VRK2: variants seen among roughly 807,000 people sequenced by gnomAD.
The protein encoded by VRK2 is VRK serine/threonine kinase 2, also known as serine/threonine-protein kinase VRK2.
A neutral mutation model predicts 57.6 loss-of-function variants in VRK2; 60 were observed. That is an observed-to-expected ratio of 1.04 (90% confidence interval 0.85 to 1.29). VRK2 has a LOEUF of 1.29. VRK2 is among the 50% of genes most tolerant of loss of function. The pLI, the probability that VRK2 is intolerant of heterozygous loss-of-function variation, is 0.00. For missense variants in VRK2, 705 were observed against 588.1 expected (o/e 1.20, Z -2.06); for synonymous variants, 231 against 199.2 (o/e 1.16, Z -1.35).
intron 3 of VRK2, among the ~76,000 whole-genome samples, chr2:58,036,911 G>A (rs960544791): frequency 1.3e-5 from 2 of 151,866 alleles, no homozygotes; most frequent in Admixed American, 1.3e-4. Flanking sequence ...AGCCGGTACC[G>A]AATTTTTCAT....
rs543621166 is a variant in VRK2, at chr2:58,155,365, G to A, written c.1183-3984G>A. Reference sequence around the variant, plus strand: ...TCTGATGTTTGCTCAGTGCAAGGTGGAGAAGGTTGGTAGCTCTCTACTACG... The same window carrying A: ...TCTGATGTTTGCTCAGTGCAAGGTGAAGAAGGTTGGTAGCTCTCTACTACG... On this transcript the variant is annotated intron_variant, in intron 12 of 12. Coordinates refer to ENST00000340157, the MANE Select transcript of VRK2 (RefSeq NM_006296.7). Among the ~76,000 whole-genome samples, 17 of 152,292 alleles carry A rather than the reference G, an allele frequency of 1.1e-4. 1 individual carries two copies. The South Asian group carries it at 3.5e-3, about 32-fold the overall frequency.
intron 12 of VRK2, among the ~76,000 whole-genome samples, chr2:58,157,693 T>C (rs533264498): frequency 5.9e-5 from 9 of 152,212 alleles, no homozygotes; most frequent in Non-Finnish European, 1.3e-4. Flanking sequence ...CAAGTTATGA[T>C]GATCTGTTTG....
chr2:58,088,334 C>T lies in VRK2; in HGVS notation c.345-7C>T, dbSNP rs1280624535. 1.3e-6 allele frequency: 2 copies of T among 1,574,704 alleles called. No homozygotes were observed. Among genetic ancestry groups the T allele is most frequent in the Non-Finnish European group, 1.7e-6 (2 of 1,154,296 alleles). ...GATGATCTCTTTTTGATGCTTTTTT[C>T]TTACAGTTACAGATTTATGGTAATG... On this transcript the variant is annotated splice_region_variant and splice_polypyrimidine_tract_variant and intron_variant, in intron 5 of 12. Coordinates refer to ENST00000340157, the MANE Select transcript of VRK2 (RefSeq NM_006296.7).
intron 1 of VRK2, among the ~76,000 whole-genome samples, chr2:57,976,855 C>A (rs1253365452): frequency 1.3e-5 from 2 of 151,914 alleles, no homozygotes; most frequent in Non-Finnish European, 2.9e-5. Context: ...AGTTTCAGGT[C>A]TTATATTTAA....
intron 7 of VRK2, among the ~76,000 whole-genome samples, chr2:58,112,411 C>A (rs1017858264): frequency 6.5e-4 from 99 of 152,150 alleles, no homozygotes; most frequent in African/African-American, 2.3e-3. Flanking sequence ...CTTCCCTCCC[C>A]CACATCTCCT....
intron 1 of VRK2, among the ~76,000 whole-genome samples, chr2:57,994,148 A>G (rs1672853388): frequency 6.6e-6 from 1 of 152,186 alleles, no homozygotes; most frequent in African/African-American, 2.4e-5. Context: ...TGAGTTTCTT[A>G]AAGAAAACTT....
chr2:58,077,764 T>C (rs775555143), intron 2 of VRK2, among the ~76,000 whole-genome samples: 5 of 152,122 alleles, frequency 3.3e-5, no homozygotes, highest in South Asian at 2.1e-4. Flanking sequence ...CACAATTTAC[T>C]GTAGAGTTCT....
rs78717500 is a variant in VRK2, at chr2:58,019,462, G to C, written c.-438-6203G>C. 5.0e-3 allele frequency among the ~76,000 whole-genome samples: 761 copies of C among 152,216 alleles called. 4 individuals carry two copies. The highest frequency in any genetic ancestry group is 5.6e-3 in the Non-Finnish European group (384 of 68,000). ...ATAGACAAGTGAGACAATTGTCTAG[G>C]TAACTGCAGTGTATGATGAGAATAG... is the stretch of plus-strand genomic sequence containing the variant. On this transcript the variant is annotated intron_variant, in intron 1 of 15. Transcript: ENST00000417641.
chr2:57,983,653 T>C (rs1242684482), intron 1 of VRK2, among the ~76,000 whole-genome samples: 1 of 152,194 alleles, frequency 6.6e-6, no homozygotes, highest in East Asian at 1.9e-4. Context: ...AAAAGTTTAC[T>C]GTCAATAAGA....
intron 2 of VRK2, among the ~76,000 whole-genome samples, chr2:58,083,379 G>A (rs1671168481): frequency 6.6e-6 from 1 of 151,780 alleles, no homozygotes; most frequent in Non-Finnish European, 1.5e-5. Context: ...TAATGTAGAG[G>A]AAAAGATTAA....
chr2:57,994,011 A>G (rs2104090925), intron 1 of VRK2, among the ~76,000 whole-genome samples: 1 of 152,374 alleles, frequency 6.6e-6, no homozygotes, highest in East Asian at 1.9e-4. Flanking sequence ...CAGCCTTTCA[A>G]GTCTTATAGA....
intron 7 of VRK2, among the ~76,000 whole-genome samples, chr2:58,102,598 G>A (rs766731603): frequency 2.7e-5 from 4 of 150,778 alleles, no homozygotes; most frequent in Admixed American, 6.6e-5. Context: ...GGAGCAGCCA[G>A]ATTCATAAAA....
At chr2:58,046,729 G>C, upstream of VRK2, 2 of 985,570 alleles carry the variant, frequency 2.0e-6, no homozygotes, top group Non-Finnish European at 2.4e-6. Context: ...CTGGAGAGAA[G>C]TTAGGCAGGT....
At position 57,994,018 on chromosome 2, in the gene VRK2, T is replaced by C. The variant is rs150098385; in HGVS notation, c.-438-31647T>C. On this transcript the variant is annotated intron_variant, in intron 1 of 15. Transcript: ENST00000417641. ...ACTGAAAACAGCCTTTCAAGTCTTATAGAAAAAGATGAAGCAATGCTACCA... is the reference window on the plus strand; with the variant it reads ...ACTGAAAACAGCCTTTCAAGTCTTACAGAAAAAGATGAAGCAATGCTACCA... 1.7e-3 allele frequency among the ~76,000 whole-genome samples: 257 copies of C among 152,370 alleles called. 1 individual carries two copies. Among genetic ancestry groups the C allele is most frequent in the Middle Eastern group, 3.4e-3 (1 of 294 alleles).
intron 1 of VRK2, among the ~76,000 whole-genome samples, chr2:57,940,552 C>T (rs549894212): frequency 9.8e-5 from 9 of 91,458 alleles, no homozygotes; most frequent in Non-Finnish European, 1.6e-4. Flanking sequence ...AACCATCATA[C>T]AGTCTATTTA....
At chr2:58,112,252 AC>A (rs1284429415) in intron 7 of VRK2, among the ~76,000 whole-genome samples, 2 of 152,194 alleles carry the variant, frequency 1.3e-5, no homozygotes, top group East Asian at 3.8e-4. Flanking sequence ...GTAAAATAAA[AC>A]CAGTGCTACC....
chr2:58,085,896 G>T (rs1425910566), intron 4 of VRK2, among the ~76,000 whole-genome samples: 1 of 148,508 alleles, frequency 6.7e-6, no homozygotes, highest in African/African-American at 2.5e-5. Context: ...TTCAAAGTAA[G>T]ATGGTTTTTC....
intron 12 of VRK2, among the ~76,000 whole-genome samples, chr2:58,157,830 T>C (rs191063463): frequency 2.6e-4 from 39 of 152,312 alleles, no homozygotes; most frequent in African/African-American, 8.9e-4. Context: ...AACAATGCCA[T>C]TGTAGTGCAA....
chr2:58,067,301 C>G (rs1375277623), intron 2 of VRK2, among the ~76,000 whole-genome samples: 2 of 152,146 alleles, frequency 1.3e-5, no homozygotes. Flanking sequence ...TGAGACTTCA[C>G]CTTGTGATCA....
Sources: gnomAD v4.1 joint callset for allele counts (sites outside exome capture counted in the v4.1 genomes callset) on GRCh38, gnomAD v4.1.1 for gene constraint, MANE v1.5 for transcripts, NCBI Gene and HGNC (gene_info 2026-07-23, HGNC 2026-07-21) for gene names.